Variants in TENM1 observed in about 807,000 individuals in gnomAD.
The protein encoded by TENM1 is teneurin-1.
In TENM1, 35 loss-of-function variants were observed where a neutral mutation model predicts 174.8. The ratio of observed to expected loss-of-function variants is 0.20; its 90% CI spans 0.15 to 0.27. TENM1 has a LOEUF of 0.27. Among genes scored for constraint, TENM1 ranks in the 10% least tolerant of loss-of-function variants. TENM1 has a pLI of 1.00. For synonymous variants in TENM1, 781 were observed against 798.7 expected (o/e 0.98, Z 0.37); for missense variants, 1,633 against 2,130.1 (o/e 0.77, Z 4.59).
the TENM1 span, among the ~76,000 whole-genome samples, chrX:125,024,235 A>G: frequency 9.0e-5 from 10 of 111,029 alleles, no homozygotes; most frequent in Admixed American, 9.6e-4. Context: ...AAAGGAAAAA[A>G]TATCATTATA....
intron 1 of TENM1, among the ~76,000 whole-genome samples, chrX:124,962,382 A>G (rs1432146210): frequency 8.9e-6 from 1 of 111,827 alleles, no homozygotes; most frequent in African/African-American, 3.3e-5. Flanking sequence ...TTCTGACTCA[A>G]TATGTCTAGA....
chrX:124,715,836 G>A (rs898252511), intron 4 of TENM1, among the ~76,000 whole-genome samples: 1 of 109,747 alleles, frequency 9.1e-6, no homozygotes, highest in Admixed American at 9.8e-5. Flanking sequence ...TGAGCCAGTT[G>A]ACATGGTATA....
intron 11 of TENM1, among the ~76,000 whole-genome samples, chrX:124,607,236 T>C (rs1308190655): frequency 9.0e-6 from 1 of 110,786 alleles, no homozygotes; most frequent in Non-Finnish European, 1.9e-5. Context: ...TAGGGGGTGA[T>C]GGTATGGCAG....
At chrX:124,997,084 T>C in the TENM1 span, among the ~76,000 whole-genome samples, 1 of 111,410 alleles carries the variant, frequency 9.0e-6, no homozygotes, top group Non-Finnish European at 1.9e-5. Context: ...GCTACTACCA[T>C]GTTCAGGGGA....
At chrX:124,862,988 C>G (rs1204835699) in intron 3 of TENM1, among the ~76,000 whole-genome samples, 4 of 108,433 alleles carry the variant, frequency 3.7e-5, no homozygotes, top group Non-Finnish European at 7.6e-5. Flanking sequence ...TGTTCCAGGC[C>G]CTAGCTTCCA....
At chrX:124,610,114 T>C (rs918530103) in intron 11 of TENM1, among the ~76,000 whole-genome samples, 1 of 112,010 alleles carries the variant, frequency 8.9e-6, no homozygotes, top group Non-Finnish European at 1.9e-5. Context: ...ATCACTCCAT[T>C]AGACGGAGAG....
rs1431732984 is a variant in TENM1 at position 124,584,659 on chromosome X, T to G, written c.2078-19099A>C. ...GCAAAATAACCAGCTAACATCATAA[T>G]GACAGGATCAAATTCACACATAACA... On this transcript the variant is annotated intron_variant, in intron 11 of 31. Transcript: ENST00000422452. 1.1e-4 allele frequency among the ~76,000 whole-genome samples: 12 copies of G among 110,950 alleles called. No individual in the cohort carries two copies. The East Asian group carries it at 2.3e-3, about 21-fold the overall frequency.
chrX:125,074,799 C>G, the TENM1 span, among the ~76,000 whole-genome samples: 2 of 111,125 alleles, frequency 1.8e-5, no homozygotes, highest in Non-Finnish European at 3.8e-5. Flanking sequence ...ATACTATTTT[C>G]CTATTATTTC....
the TENM1 span, among the ~76,000 whole-genome samples, chrX:125,202,501 A>G: frequency 1.8e-5 from 2 of 111,929 alleles, no homozygotes; most frequent in African/African-American, 6.5e-5. Context: ...CAGGAAAACA[A>G]CGGTTAAGTT....
At chrX:125,116,827 T>C in the TENM1 span, among the ~76,000 whole-genome samples, 4 of 110,798 alleles carry the variant, frequency 3.6e-5, no homozygotes, top group Non-Finnish European at 7.6e-5. Flanking sequence ...CTGGCCAACA[T>C]GGTGAAACCC....
the TENM1 span, among the ~76,000 whole-genome samples, chrX:125,120,573 T>C: frequency 9.0e-6 from 1 of 111,143 alleles, no homozygotes; most frequent in African/African-American, 3.3e-5. Context: ...CAATCACTTG[T>C]ATGTTAGCAT....
chrX:125,181,607 T>G, the TENM1 span, among the ~76,000 whole-genome samples: 1 of 111,556 alleles, frequency 9.0e-6, no homozygotes, highest in African/African-American at 3.3e-5. Context: ...AAAAGATAAT[T>G]TTTTACTTCT....
At chrX:124,422,692 GT>G (rs1055463199) in intron 23 of TENM1, 54 bp from the exon 27 acceptor site, 42 of 1,106,406 alleles carry the variant, frequency 3.8e-5, no homozygotes, top group Non-Finnish European at 5.0e-5. Context: ...TCCATGGACA[GT>G]TTTAACTTGA....
chrX:124,900,031 C>T (rs779810014), intron 1 of TENM1, among the ~76,000 whole-genome samples: 2 of 112,458 alleles, frequency 1.8e-5, no homozygotes, highest in African/African-American at 6.4e-5. Context: ...ACCAAAAGAG[C>T]AATTGGACTC....
At chrX:125,134,076 C>T in the TENM1 span, among the ~76,000 whole-genome samples, 1 of 111,527 alleles carries the variant, frequency 9.0e-6, no homozygotes, top group Admixed American at 9.5e-5. Context: ...ATACTGCAAC[C>T]ACACCCCAGA....
intron 3 of TENM1, among the ~76,000 whole-genome samples, chrX:124,826,914 C>T (rs1165049761): frequency 9.0e-6 from 1 of 111,544 alleles, no homozygotes; most frequent in African/African-American, 3.3e-5. Context: ...TTGTTTCTTC[C>T]ATTACTGGTG....
chrX:124,663,751 G>GTTTTT (rs60541515), intron 6 of TENM1, among the ~76,000 whole-genome samples: 1 of 93,948 alleles, frequency 1.1e-5, no homozygotes, highest in African/African-American at 3.8e-5. Context: ...GTGTGTATTA[G>GTTTTT]TTTTTTTTTT....
intron 1 of TENM1, among the ~76,000 whole-genome samples, chrX:124,946,026 A>T (rs9887507): frequency 0.088 from 9,838 of 111,521 alleles, 1,057 homozygotes; most frequent in African/African-American, 0.31. Context: ...AGATCAAGGG[A>T]TGTCCCATGA....
At chrX:124,746,382 T>C (rs1437362358) in intron 3 of TENM1, among the ~76,000 whole-genome samples, 1 of 111,880 alleles carries the variant, frequency 8.9e-6, no homozygotes, top group Non-Finnish European at 1.9e-5. Flanking sequence ...TTCTTGTTTT[T>C]CAACATGGCA....
Sources: allele counts gnomAD v4.1 joint callset (sites outside exome capture counted in the v4.1 genomes callset), GRCh38; gene constraint gnomAD v4.1.1; transcripts MANE v1.5; gene names NCBI Gene and HGNC (gene_info 2026-07-23, HGNC 2026-07-21).